The following SUPT3H variants were observed in gnomAD, a reference collection of about 807,000 sequenced individuals.
SUPT3H encodes SPT3 homolog, SAGA and STAGA complex component, also known as transcription initiation protein SPT3 homolog.
A neutral mutation model predicts 44.3 loss-of-function variants in SUPT3H; 44 were observed. The ratio of observed to expected loss-of-function variants is 0.99; its 90% CI spans 0.78 to 1.28. The LOEUF (loss-of-function observed/expected upper bound fraction) is 1.28. Among genes scored for constraint, SUPT3H ranks in the 50% most tolerant of loss-of-function variants. The probability of loss-of-function intolerance (pLI) is 0.00; values close to 1 mark genes in which losing one functional copy is unlikely to be tolerated. For synonymous variants in SUPT3H, 124 were observed against 125.6 expected, an observed-to-expected ratio of 0.99 and a Z score of 0.09; for missense variants, 380 against 387.1, an observed-to-expected ratio of 0.98 and a Z score of 0.15.
intron 6 of SUPT3H, among the ~76,000 whole-genome samples, chr6:44,965,619 C>G (rs1326843996): frequency 2.0e-5 from 3 of 151,574 alleles, no homozygotes; most frequent in Admixed American, 6.6e-5. Context: ...CAAATTTTGG[C>G]CAATGATGAA....
In SUPT3H at chr6:45,290,749, A is replaced by G. The variant is rs187795526; in HGVS notation, c.101+74452T>C. Among the ~76,000 whole-genome samples, 158 of 152,314 alleles carry G rather than the reference A, an allele frequency of 1.0e-3. 2 individuals are homozygous for G. Among genetic ancestry groups the G allele is most frequent in the Admixed American group, 9.3e-3 (143 of 15,300 alleles). ...AAACTATTGTTTGTAGTGTCACATG[A>G]TAACAGTAGCTAACACTGAGGACTT... On this transcript the variant is annotated intron_variant, in intron 2 of 10. Transcript: ENST00000371459.
chr6:44,885,090 C>A (rs948087720), intron 10 of SUPT3H, among the ~76,000 whole-genome samples: 2 of 152,194 alleles, frequency 1.3e-5, no homozygotes. Context: ...CCCAGGCTTG[C>A]TTAGGTAAAC....
chr6:45,022,110 T>C (rs1204437245), intron 3 of SUPT3H, among the ~76,000 whole-genome samples: 3 of 152,042 alleles, frequency 2.0e-5, no homozygotes, highest in Non-Finnish European at 2.9e-5. Flanking sequence ...GAGAAGAATA[T>C]GGGCTATATA....
chr6:45,357,287 G>A (rs759979886), intron 2 of SUPT3H, among the ~76,000 whole-genome samples: 4 of 152,014 alleles, frequency 2.6e-5, no homozygotes, highest in East Asian at 1.9e-4. Context: ...GATTATAGGC[G>A]TGAGCCACTG....
At chr6:45,045,295 C>T (rs1490522670) in intron 3 of SUPT3H, among the ~76,000 whole-genome samples, 2 of 152,122 alleles carry the variant, frequency 1.3e-5, no homozygotes, top group Admixed American at 6.5e-5. Flanking sequence ...CTGCTTCCTC[C>T]TCAGGAACTT....
chr6:45,165,796 C>T (rs1012552736), intron 2 of SUPT3H, among the ~76,000 whole-genome samples: 6 of 151,314 alleles, frequency 4.0e-5, no homozygotes, highest in South Asian at 2.1e-4. Context: ...TGATCTAAAC[C>T]GATAAACAAA....
At chr6:44,890,735 G>A (rs1406442620) in intron 10 of SUPT3H, among the ~76,000 whole-genome samples, 2 of 149,202 alleles carry the variant, frequency 1.3e-5, no homozygotes, top group Non-Finnish European at 3.0e-5. Flanking sequence ...TTGTGCACAT[G>A]TACCCTAAAA....
chr6:45,179,551 C>A (rs559196027), intron 2 of SUPT3H, among the ~76,000 whole-genome samples: 1 of 152,164 alleles, frequency 6.6e-6, no homozygotes, highest in Non-Finnish European at 1.5e-5. Flanking sequence ...GGCTTCATCC[C>A]TGGGATGCAA....
intron 10 of SUPT3H, among the ~76,000 whole-genome samples, chr6:44,897,901 T>C (rs1377622380): frequency 6.6e-6 from 1 of 152,212 alleles, no homozygotes; most frequent in Non-Finnish European, 1.5e-5. Context: ...GACATTTAAT[T>C]TTTTCAGTCA....
intron 2 of SUPT3H, among the ~76,000 whole-genome samples, chr6:45,184,879 G>A (rs1813915553): frequency 6.6e-6 from 1 of 151,354 alleles, no homozygotes; most frequent in African/African-American, 2.4e-5. Context: ...AAGCATTTTT[G>A]GCAGTATCAG....
intron 2 of SUPT3H, among the ~76,000 whole-genome samples, chr6:45,329,658 TA>T (rs1260596140): frequency 6.6e-6 from 1 of 151,954 alleles, no homozygotes; most frequent in Non-Finnish European, 1.5e-5. Flanking sequence ...TCCATAAGGA[TA>T]CCCTGTATGA....
intron 2 of SUPT3H, among the ~76,000 whole-genome samples, chr6:45,312,082 T>C (rs1227033843): frequency 6.6e-6 from 1 of 151,992 alleles, no homozygotes; most frequent in Non-Finnish European, 1.5e-5. Flanking sequence ...CTTCAGGAGA[T>C]TCACCTAACA....
chr6:45,116,488 C>A (rs577640819), intron 2 of SUPT3H, among the ~76,000 whole-genome samples: 64 of 152,266 alleles, frequency 4.2e-4, no homozygotes, highest in African/African-American at 1.5e-3. Flanking sequence ...GACCCTGCAA[C>A]ACACTATCAC....
intron 3 of SUPT3H, among the ~76,000 whole-genome samples, chr6:45,096,960 A>C (rs1797869691): frequency 1.3e-5 from 2 of 152,196 alleles, no homozygotes; most frequent in Admixed American, 1.3e-4. Context: ...TGAGGAGCTG[A>C]AAGGACTGAC....
chr6:44,955,859 G>A (rs1775053875), intron 7 of SUPT3H, among the ~76,000 whole-genome samples: 1 of 152,020 alleles, frequency 6.6e-6, no homozygotes, highest in South Asian at 2.1e-4. Flanking sequence ...GGTGGCTCAC[G>A]CCTGTAATCC....
At chr6:44,986,631 C>A (rs1779832911) in intron 6 of SUPT3H, among the ~76,000 whole-genome samples, 1 of 151,974 alleles carries the variant, frequency 6.6e-6, no homozygotes, top group African/African-American at 2.4e-5. Flanking sequence ...TCGCTCTAAG[C>A]AAAGTAATTA....
Position 44,856,111 on chromosome 6 carries a change from T to C in SUPT3H, c.913-26254A>G, listed in dbSNP as rs146475839. Among the ~76,000 whole-genome samples the C allele has an allele frequency of 4.8e-3, 729 of 152,320 alleles. 4 individuals carry two copies. The highest frequency in any genetic ancestry group is 0.017 in the African/African-American group (696 of 41,572). On this transcript the variant is annotated intron_variant, in intron 10 of 10. Coordinates refer to ENST00000371459, the MANE Select transcript of SUPT3H (RefSeq NM_003599.4). The stretch of plus-strand genomic sequence containing the variant: ...GTCAAGAAGCCAAGATATTTCTCCA[T>C]GGTTTGCTGAATAAGAAAGGAAGAA...
At chr6:44,941,101 T>C (rs79780854) in intron 9 of SUPT3H, among the ~76,000 whole-genome samples, 3,743 of 152,230 alleles carry the variant, frequency 0.025, 156 homozygotes, top group African/African-American at 0.084. Flanking sequence ...TCCTGTGATA[T>C]TGTTAATTAT....
At chr6:44,974,327 T>C (rs1033867724) in intron 6 of SUPT3H, among the ~76,000 whole-genome samples, 1 of 134,008 alleles carries the variant, frequency 7.5e-6, no homozygotes, top group Non-Finnish European at 1.8e-5. Context: ...TTGTGTGTGT[T>C]TGTGTTTGTG....
Sources: gnomAD v4.1 joint callset for allele counts (sites outside exome capture counted in the v4.1 genomes callset) on GRCh38, gnomAD v4.1.1 for gene constraint, MANE v1.5 for transcripts, NCBI Gene and HGNC (gene_info 2026-07-23, HGNC 2026-07-21) for gene names.